Variants in PJA2 observed in about 807,000 individuals in gnomAD.
The protein encoded by PJA2 is praja ring finger ubiquitin ligase 2.
In PJA2, 25 loss-of-function variants were observed where a neutral mutation model predicts 69.3. The ratio of observed to expected loss-of-function variants is 0.36; its 90% CI spans 0.26 to 0.50. The LOEUF is 0.50. Among genes scored for constraint, PJA2 ranks in the 20% least tolerant of loss-of-function variants. The pLI, the probability that PJA2 is intolerant of heterozygous loss-of-function variation, is 0.96. For synonymous variants in PJA2, 308 were observed against 277.8 expected (o/e 1.11, Z -1.08); for missense variants, 809 against 830.2 (o/e 0.97, Z 0.31).
At chr5:109,385,124 G>A (rs1022517356) in intron 1 of PJA2, among the ~76,000 whole-genome samples, 9 of 152,162 alleles carry the variant, frequency 5.9e-5, no homozygotes, top group East Asian at 1.9e-4. Flanking sequence ...TGAAATGTGC[G>A]TTTTATTCTG....
intron 2 of PJA2, 65 bp downstream of exon 2, chr5:109,383,337 TG>T: frequency 1.5e-6 from 2 of 1,371,774 alleles, no homozygotes; most frequent in Non-Finnish European, 2.1e-6. Flanking sequence ...TGTCACTTAC[TG>T]GTACTCAAGG....
intron 6 of PJA2, among the ~76,000 whole-genome samples, chr5:109,360,957 G>C (rs1181661829): frequency 6.6e-6 from 1 of 152,080 alleles, no homozygotes; most frequent in Non-Finnish European, 1.5e-5. Context: ...GTGAAACCCT[G>C]TCTGTACTGA....
chr5:109,391,157 C>A (rs1444655543), intron 1 of PJA2, among the ~76,000 whole-genome samples: 1 of 152,072 alleles, frequency 6.6e-6, no homozygotes, highest in Non-Finnish European at 1.5e-5. Context: ...TTTACCAGGT[C>A]CCCAAAAAAT....
chr5:109,395,776 A>T (rs1350027044), intron 1 of PJA2, among the ~76,000 whole-genome samples: 1 of 152,150 alleles, frequency 6.6e-6, no homozygotes, highest in African/African-American at 2.4e-5. Context: ...AGGCCAGCAG[A>T]TCACATGAGG....
At chr5:109,347,056 G>A (rs111726566) in intron 7 of PJA2, among the ~76,000 whole-genome samples, 1 of 152,110 alleles carries the variant, frequency 6.6e-6, no homozygotes, top group Non-Finnish European at 1.5e-5. Flanking sequence ...CTTGGGCCAA[G>A]CCCAAAGCAA....
At chr5:109,401,446 G>A (rs565836467) in intron 1 of PJA2, among the ~76,000 whole-genome samples, 3 of 151,898 alleles carry the variant, frequency 2.0e-5, no homozygotes, top group Non-Finnish European at 2.9e-5. Flanking sequence ...GCAACAGAGC[G>A]AGACCTTGTC....
intron 7 of PJA2, among the ~76,000 whole-genome samples, chr5:109,345,729 C>A (rs1293723460): frequency 3.3e-5 from 5 of 152,172 alleles, no homozygotes. Context: ...AAATAATGCA[C>A]TCCTGAATGG....
intron 4 of PJA2, among the ~76,000 whole-genome samples, chr5:109,376,630 T>G (rs1271034964): frequency 6.6e-6 from 1 of 151,846 alleles, no homozygotes; most frequent in Non-Finnish European, 1.5e-5. Context: ...AAAGTGTAAC[T>G]GGGGGAAAAA....
rs982134824 is a variant in PJA2, at chr5:109,368,841, C to A, written c.1284-95G>T. On this transcript the variant is annotated intron_variant, in intron 4 of 9. Coordinates refer to ENST00000361189, the MANE Select transcript of PJA2 (RefSeq NM_014819.5). ...GATGATATGGTTTGGATCTGTGTCCCCACCAAATCTCATGTTGAACTGTAA... is the reference window on the plus strand; with the variant it reads ...GATGATATGGTTTGGATCTGTGTCCACACCAAATCTCATGTTGAACTGTAA... The A allele has an allele frequency of 7.7e-5, 99 of 1,279,296 alleles. 1 individual carries two copies. In the South Asian group the frequency reaches 1.5e-3, roughly 19 times the overall value. The allele number at this position is 1,279,296 out of a possible 1,614,324, so 79.2% of individuals were successfully genotyped here.
At chr5:109,389,340 C>A (rs1159861332) in intron 1 of PJA2, among the ~76,000 whole-genome samples, 1 of 152,026 alleles carries the variant, frequency 6.6e-6, no homozygotes, top group Non-Finnish European at 1.5e-5. Flanking sequence ...CAGAACAACT[C>A]AGATTTTCTA....
chr5:109,344,634 T>A (rs547540989), intron 8 of PJA2, 71 bp downstream of exon 8: 89 of 993,890 alleles, frequency 9.0e-5, no homozygotes, highest in Non-Finnish European at 2.1e-5. Flanking sequence ...TATTTAATTA[T>A]CTAGGTATAT....
chr5:109,385,860 G>A (rs1747144920), intron 1 of PJA2, among the ~76,000 whole-genome samples: 1 of 152,160 alleles, frequency 6.6e-6, no homozygotes, highest in Non-Finnish European at 1.5e-5. Context: ...TGACATCCAA[G>A]TCTAAACAGA....
intron 7 of PJA2, among the ~76,000 whole-genome samples, chr5:109,354,776 A>T: frequency 6.7e-6 from 1 of 148,518 alleles, no homozygotes. Context: ...ATTATTAAAT[A>T]TATCAATATT....
At chr5:109,388,613 A>G (rs1048635427) in intron 1 of PJA2, among the ~76,000 whole-genome samples, 2 of 152,156 alleles carry the variant, frequency 1.3e-5, no homozygotes, top group African/African-American at 4.8e-5. Flanking sequence ...GTGGATCTAC[A>G]CCCTTATGAC....
chr5:109,342,147 T>C (rs1248111709), intron 9 of PJA2, among the ~76,000 whole-genome samples: 1 of 76,516 alleles, frequency 1.3e-5, no homozygotes, highest in Non-Finnish European at 2.6e-5. Flanking sequence ...GGGAGGGAGG[T>C]GGGGGGGTCA....
chr5:109,343,286 AAAAAAAGAAAGAAAG>A (rs1376245698), intron 9 of PJA2, among the ~76,000 whole-genome samples: 2 of 97,012 alleles, frequency 2.1e-5, no homozygotes, highest in South Asian at 3.2e-4. Context: ...AAAAAAAAAA[AAAAAAAGAAAGAAAG>A]AAAGAAAGAA....
intron 7 of PJA2, among the ~76,000 whole-genome samples, chr5:109,350,532 T>C (rs1375396076): frequency 6.6e-6 from 1 of 152,254 alleles, no homozygotes; most frequent in African/African-American, 2.4e-5. Context: ...GTTCACTGAT[T>C]ACACCAGTTA....
chr5:109,361,591 T>G (rs1193990822), intron 6 of PJA2, among the ~76,000 whole-genome samples: 1 of 151,750 alleles, frequency 6.6e-6, no homozygotes, highest in African/African-American at 2.4e-5. Context: ...TAATAAGGAG[T>G]GCAGTAAAAA....
chr5:109,336,028 G>C lies in PJA2; in HGVS notation c.*1203C>G, dbSNP rs1453484096. ...TTTTAAGAATGAAAAAAGGAGACGG[G>C]ATATAAATACTCAGAGAAATACACG... On this transcript the variant is annotated 3_prime_UTR_variant, in exon 10 of 10. Transcript: ENST00000361189. The C allele has an allele frequency of 2.0e-5, 3 of 152,670 alleles. No homozygotes were observed. Among genetic ancestry groups the C allele is most frequent in the East Asian group, 1.9e-4 (1 of 5,174 alleles). 9.5% of individuals were successfully genotyped at this position (152,670 alleles called of 1,614,324 possible).
Sources: gnomAD v4.1 joint callset for allele counts (sites outside exome capture counted in the v4.1 genomes callset) on GRCh38, gnomAD v4.1.1 for gene constraint, MANE v1.5 for transcripts, NCBI Gene and HGNC (gene_info 2026-07-23, HGNC 2026-07-21) for gene names.